MYO16: variants seen among roughly 807,000 people sequenced by gnomAD.
MYO16 encodes unconventional myosin-XVI.
In MYO16, 94 loss-of-function variants were observed where a neutral mutation model predicts 205.3. The ratio of observed to expected loss-of-function variants is 0.46; its 90% CI spans 0.39 to 0.54. The LOEUF is 0.54. MYO16 is among the 20% of genes least tolerant of loss of function. MYO16 has a pLI of 0.00. For missense variants in MYO16, 2,315 were observed against 2,387.5 expected, an observed-to-expected ratio of 0.97 and a Z score of 0.63; for synonymous variants, 988 against 954.0, an observed-to-expected ratio of 1.04 and a Z score of -0.66.
Position 109,127,293 on chromosome 13 carries a change from A to C in MYO16, c.3794A>C (p.Lys1265Thr), listed in dbSNP as rs773391500. The part of the protein sequence containing the change: ...QEEGSKRTDD[K>T]SGPRHFHPSS... ...TGTTTCCCCCTAAGAACCGATGACA[A>C]GAGTGGACCCAGGCATTTCCACCCC... The change falls in exon 31 of 35, where the codon AAG becomes ACG. Residue 1265 changes from lysine to threonine, a missense_variant. Lys to Thr is a moderately conservative substitution (Grantham distance 78, BLOSUM62 -1). This residue lies in a region of MYO16 where 1,097 missense variants were observed against 1,092.0 expected (regional missense o/e 1.00). Transcript: ENST00000457511. This position sits in a 1 kb window ranked among gnomAD's most constrained non-coding sequence, Gnocchi z 4.2. The C allele has an allele frequency of 5.7e-6, 9 of 1,586,832 alleles. No homozygotes were observed. In the African/African-American group the frequency reaches 1.1e-4, roughly 19 times the overall value.
chr13:108,867,121 A>C (rs535670765), intron 12 of MYO16, among the ~76,000 whole-genome samples: 2 of 152,126 alleles, frequency 1.3e-5, no homozygotes, highest in Admixed American at 1.3e-4. Flanking sequence ...AGGCTGGTGG[A>C]TCACTTGAGG....
chr13:109,046,194 A>G (rs1887039104), intron 23 of MYO16, among the ~76,000 whole-genome samples: 1 of 152,138 alleles, frequency 6.6e-6, no homozygotes, highest in African/African-American at 2.4e-5. Flanking sequence ...ACTATGACAC[A>G]CTGACCGTGG....
chr13:108,644,362 G>GTCTGTCTGTCTGTCTA (rs1162945930), intron 1 of MYO16, among the ~76,000 whole-genome samples: 16 of 148,118 alleles, frequency 1.1e-4, no homozygotes, highest in East Asian at 6.1e-4. Flanking sequence ...CTGTCTGTCT[G>GTCTGTCTGTCTGTCTA]TCTATCTATC....
chr13:109,188,650 A>G (rs1448070212), intron 34 of MYO16, among the ~76,000 whole-genome samples: 1 of 152,206 alleles, frequency 6.6e-6, no homozygotes, highest in African/African-American at 2.4e-5. Context: ...CTGAGGAGCA[A>G]AGAAGCCAGT....
chr13:108,610,562 T>C (rs1879135470), intron 1 of MYO16, among the ~76,000 whole-genome samples: 1 of 152,174 alleles, frequency 6.6e-6, no homozygotes, highest in Admixed American at 6.5e-5. Flanking sequence ...TCTAAAATCA[T>C]TTCAAATTGC....
chr13:109,152,113 A>AT (rs2139837386), intron 32 of MYO16, among the ~76,000 whole-genome samples: 1 of 152,296 alleles, frequency 6.6e-6, no homozygotes, highest in South Asian at 2.1e-4. Flanking sequence ...CATTTTTAAA[A>AT]TTTTTTATGA....
chr13:108,796,808 C>A (rs1353897106), intron 6 of MYO16, among the ~76,000 whole-genome samples: 2 of 141,154 alleles, frequency 1.4e-5, no homozygotes, highest in African/African-American at 2.7e-5. Flanking sequence ...AGGAGATATA[C>A]CTAATGTAAA....
Position 109,206,629 on chromosome 13 carries a change from C to T in MYO16, c.5436C>T (p.Leu1812=). 1 of 1,613,582 alleles carries T rather than the reference C, an allele frequency of 6.2e-7. No individual in the cohort carries two copies. Among genetic ancestry groups the T allele is most frequent in the Non-Finnish European group, 8.5e-7 (1 of 1,179,540 alleles). The change falls in exon 35 of 35, where the codon CTC becomes CTT. Residue 1812 remains leucine, a synonymous_variant. Coordinates refer to ENST00000457511, the MANE Select transcript of MYO16 (RefSeq NM_001198950.3). ...HTTQVIHQLR[L]SENESVALQE... Reference sequence around the variant, plus strand: ...CACAGGTAATCCATCAGCTGAGGCTCTCAGAGAATGAAAGTGTGGCCCTGC... The same window carrying T: ...CACAGGTAATCCATCAGCTGAGGCTTTCAGAGAATGAAAGTGTGGCCCTGC...
At chr13:108,870,103 T>C (rs1878975168) in intron 12 of MYO16, among the ~76,000 whole-genome samples, 1 of 151,968 alleles carries the variant, frequency 6.6e-6, no homozygotes. Flanking sequence ...ATTTTATTGC[T>C]GTTTTAAGAA....
chr13:109,144,967 C>T (rs539822071), intron 32 of MYO16, among the ~76,000 whole-genome samples: 1 of 152,238 alleles, frequency 6.6e-6, no homozygotes, highest in East Asian at 1.9e-4. Context: ...TCTATGTTGC[C>T]CAAACCAGTT....
intron 27 of MYO16, among the ~76,000 whole-genome samples, chr13:109,073,377 G>T (rs1460902148): frequency 6.6e-6 from 1 of 151,762 alleles, no homozygotes; most frequent in Non-Finnish European, 1.5e-5. Context: ...TCCCGAAGTT[G>T]TGTGATTACA....
At chr13:108,779,145 T>C (rs878536) in intron 4 of MYO16, among the ~76,000 whole-genome samples, 12,223 of 151,976 alleles carry the variant, frequency 0.08, 632 homozygotes, top group Non-Finnish European at 0.12. Flanking sequence ...CAAGCGGGGG[T>C]TTCCTAAGAT....
At chr13:109,028,241 A>G (rs1221497375) in intron 23 of MYO16, among the ~76,000 whole-genome samples, 1 of 146,370 alleles carries the variant, frequency 6.8e-6, no homozygotes, top group Non-Finnish European at 1.5e-5. Context: ...AAATATATAA[A>G]CATATAATAT....
intron 33 of MYO16, among the ~76,000 whole-genome samples, chr13:109,178,924 T>C (rs1594163138): frequency 6.6e-6 from 1 of 152,224 alleles, no homozygotes; most frequent in South Asian, 2.1e-4. Context: ...TTCGCGTTGT[T>C]GAGGGACATG....
intron 24 of MYO16, among the ~76,000 whole-genome samples, 191 bp downstream of exon 24, chr13:109,047,182 A>G (rs1379746253): frequency 6.6e-6 from 1 of 152,188 alleles, no homozygotes; most frequent in Admixed American, 6.5e-5. Flanking sequence ...TGTAATTTGG[A>G]GTCCAATGGA....
chr13:109,014,651 G>A (rs1885740613), intron 22 of MYO16, among the ~76,000 whole-genome samples: 1 of 152,070 alleles, frequency 6.6e-6, no homozygotes, highest in Admixed American at 6.5e-5. Flanking sequence ...ATTGAGCAGT[G>A]GTTTGTAGTT....
chr13:108,880,206 GTTAT>G (rs1879542162), intron 12 of MYO16, among the ~76,000 whole-genome samples: 1 of 152,146 alleles, frequency 6.6e-6, no homozygotes, highest in Non-Finnish European at 1.5e-5. Context: ...TTTTGATGGG[GTTAT>G]TTGATTTTTT....
intron 3 of MYO16, among the ~76,000 whole-genome samples, chr13:108,722,047 A>G (rs954293396): frequency 6.6e-6 from 1 of 152,166 alleles, no homozygotes; most frequent in African/African-American, 2.4e-5. Flanking sequence ...TGAAATCGTC[A>G]ATAATTTTAA....
chr13:108,752,647 CTT>C (rs551153441), intron 4 of MYO16, among the ~76,000 whole-genome samples: 2 of 135,766 alleles, frequency 1.5e-5, no homozygotes. Context: ...TTTTTCTTTT[CTT>C]TTTTTTTTTT....
Sources: gnomAD v4.1 joint callset for allele counts (sites outside exome capture counted in the v4.1 genomes callset) on GRCh38, gnomAD v4.1.1 for gene constraint, gnomAD v4.1.1 regional missense constraint, Gnocchi (gnomAD v3.1) non-coding constraint, MANE v1.5 for transcripts, NCBI Gene and HGNC (gene_info 2026-07-23, HGNC 2026-07-21) for gene names.